Variants in DISC1 observed in about 807,000 individuals in gnomAD.
The protein encoded by DISC1 is DISC1 scaffold protein, also known as disrupted in schizophrenia 1 protein.
DISC1 carries 57 observed loss-of-function variants against 84.5 expected under a neutral mutation model. The observed-to-expected ratio is 0.67, with a 90% confidence interval of 0.55 to 0.84. The LOEUF is 0.84. Among genes scored for constraint, DISC1 ranks in the 40% least tolerant of loss-of-function variants. The pLI, the probability that DISC1 is intolerant of heterozygous loss-of-function variation, is 0.00. For missense variants in DISC1, 1,000 were observed against 1,057.8 expected, an observed-to-expected ratio of 0.95 and a Z score of 0.76; for synonymous variants, 411 against 415.2, an observed-to-expected ratio of 0.99 and a Z score of 0.12.
At chr1:232,000,609 G>C (rs1381448761) in intron 10 of DISC1, among the ~76,000 whole-genome samples, 1 of 152,130 alleles carries the variant, frequency 6.6e-6, no homozygotes, top group Non-Finnish European at 1.5e-5. Flanking sequence ...AAATCCCCAG[G>C]AGAATAAATA....
At chr1:231,683,206 C>G (rs2063865274) in intron 1 of DISC1, among the ~76,000 whole-genome samples, 1 of 152,158 alleles carries the variant, frequency 6.6e-6, no homozygotes, top group African/African-American at 2.4e-5. Context: ...AACAACCTCT[C>G]TAGCATCATT....
intron 10 of DISC1, among the ~76,000 whole-genome samples, chr1:232,006,412 G>A (rs1572606203): frequency 7.0e-6 from 1 of 142,606 alleles, no homozygotes; most frequent in Non-Finnish European, 1.5e-5. Context: ...GGAACTTGTT[G>A]GGAACTGGAG....
intron 6 of DISC1, among the ~76,000 whole-genome samples, chr1:231,777,016 G>A (rs952868544): frequency 4.6e-5 from 7 of 152,154 alleles, no homozygotes; most frequent in Non-Finnish European, 1.0e-4. Flanking sequence ...TCTCCAAGCT[G>A]CTTTTCCATT....
At chr1:231,691,095 A>C (rs1182255055) in intron 1 of DISC1, among the ~76,000 whole-genome samples, 1 of 152,134 alleles carries the variant, frequency 6.6e-6, no homozygotes, top group Non-Finnish European at 1.5e-5. Flanking sequence ...CCTGGCTTGC[A>C]GGATTTCAGG....
intron 1 of DISC1, among the ~76,000 whole-genome samples, chr1:231,664,249 G>C (rs890401385): frequency 6.6e-6 from 1 of 152,068 alleles, no homozygotes; most frequent in African/African-American, 2.4e-5. Context: ...TGACTCCACT[G>C]CTTGTTATTT....
At chr1:231,776,697 C>G (rs987585348) in intron 6 of DISC1, among the ~76,000 whole-genome samples, 6 of 152,164 alleles carry the variant, frequency 3.9e-5, no homozygotes, top group African/African-American at 1.4e-4. Flanking sequence ...TGTCAGTCCT[C>G]CTTGCAAGTG....
At chr1:231,847,669 C>T (rs185692966) in intron 9 of DISC1, among the ~76,000 whole-genome samples, 4 of 152,242 alleles carry the variant, frequency 2.6e-5, no homozygotes, top group Non-Finnish European at 4.4e-5. Flanking sequence ...GTTCCCTCAT[C>T]CTAAAATGGT....
chr1:231,901,895 A>G (rs1571925052), intron 9 of DISC1, among the ~76,000 whole-genome samples: 1 of 152,042 alleles, frequency 6.6e-6, no homozygotes, highest in East Asian at 1.9e-4. Context: ...TCTGATTCTA[A>G]CCTTAGTGCT....
intron 10 of DISC1, among the ~76,000 whole-genome samples, chr1:231,981,295 C>G (rs75444639): frequency 0.014 from 2,147 of 152,230 alleles, 24 homozygotes; most frequent in Non-Finnish European, 0.023. Flanking sequence ...ATTGCTGTTT[C>G]TTTTCTAAAA....
At chr1:231,804,450 A>T (rs2079546681) in intron 8 of DISC1, among the ~76,000 whole-genome samples, 1 of 149,942 alleles carries the variant, frequency 6.7e-6, no homozygotes, top group Non-Finnish European at 1.5e-5. Context: ...ACAGGACAAG[A>T]TCCCCCTTCC....
At chr1:231,999,782 G>A (rs1241542633) in intron 10 of DISC1, among the ~76,000 whole-genome samples, 3 of 151,894 alleles carry the variant, frequency 2.0e-5, no homozygotes, top group Admixed American at 6.6e-5. Context: ...ACCAGTGGAA[G>A]TTCTCCTAGA....
chr1:231,724,277 A>T (rs2070309394), intron 3 of DISC1, among the ~76,000 whole-genome samples: 1 of 152,102 alleles, frequency 6.6e-6, no homozygotes, highest in African/African-American at 2.4e-5. Context: ...CCGGTTTTTC[A>T]TGAAACAGCG....
chr1:232,021,094 A>G (rs1249728886), intron 11 of DISC1, among the ~76,000 whole-genome samples: 2 of 152,198 alleles, frequency 1.3e-5, no homozygotes, highest in African/African-American at 4.8e-5. Flanking sequence ...CAGTCTAGGC[A>G]ATGGGTGTGC....
chr1:231,869,847 C>G (rs890666140), intron 9 of DISC1, among the ~76,000 whole-genome samples: 1 of 152,044 alleles, frequency 6.6e-6, no homozygotes, highest in Non-Finnish European at 1.5e-5. Context: ...ATTGTTTGGG[C>G]CTTGGTTCCT....
intron 9 of DISC1, among the ~76,000 whole-genome samples, chr1:231,892,264 T>C (rs1327895370): frequency 6.6e-6 from 1 of 152,162 alleles, no homozygotes; most frequent in Non-Finnish European, 1.5e-5. Context: ...AGAAGATTGA[T>C]TCTATTGGGA....
At chr1:231,669,055 T>C (rs2062307820) in intron 1 of DISC1, among the ~76,000 whole-genome samples, 1 of 152,204 alleles carries the variant, frequency 6.6e-6, no homozygotes, top group African/African-American at 2.4e-5. Flanking sequence ...AAGCTCCCTG[T>C]TCATCATTTT....
rs1574181857 is a variant in DISC1 at position 231,838,188 on chromosome 1, T to A, written c.1981+19671T>A. On this transcript the variant is annotated intron_variant, in intron 9 of 12. Coordinates refer to ENST00000439617, the MANE Select transcript of DISC1 (RefSeq NM_018662.3). ...TTCGTACTATTCAGATGCTTTAATT[T>A]AAAAAATTAATCTATGAATTTAACA... Among the ~76,000 whole-genome samples the A allele has an allele frequency of 2.0e-5, 3 of 152,316 alleles. No individual in the cohort carries two copies. In the East Asian group the frequency reaches 5.8e-4, roughly 29 times the overall value.
At chr1:232,006,277 G>A (rs943451282) in intron 10 of DISC1, among the ~76,000 whole-genome samples, 64 of 152,232 alleles carry the variant, frequency 4.2e-4, no homozygotes, top group Non-Finnish European at 1.9e-4. Context: ...GGAGGGCTCA[G>A]AAGAAGACAG....
At chr1:232,025,646 G>C (rs934490801) in intron 11 of DISC1, among the ~76,000 whole-genome samples, 1 of 149,624 alleles carries the variant, frequency 6.7e-6, no homozygotes, top group Non-Finnish European at 1.5e-5. Flanking sequence ...GCCCAGGCTG[G>C]AGTGCAGTGG....
Sources: gnomAD v4.1 joint callset for allele counts (sites outside exome capture counted in the v4.1 genomes callset) on GRCh38, gnomAD v4.1.1 for gene constraint, MANE v1.5 for transcripts, NCBI Gene and HGNC (gene_info 2026-07-23, HGNC 2026-07-21) for gene names.